The following ULK4 variants were observed in gnomAD, a reference collection of about 807,000 sequenced individuals.
ULK4 encodes unc-51 like kinase 4, also known as inactive serine/threonine-protein kinase ULK4.
Under a neutral mutation model 160.6 loss-of-function variants are expected in ULK4, and 133 were observed. The ratio of observed to expected loss-of-function variants is 0.83; its 90% CI spans 0.72 to 0.96. The LOEUF is 0.96. Among genes scored for constraint, ULK4 ranks in the 40% least tolerant of loss-of-function variants. The pLI, the probability that ULK4 is intolerant of heterozygous loss-of-function variation, is 0.00. For synonymous variants in ULK4, 534 were observed against 539.8 expected, an observed-to-expected ratio of 0.99 and a Z score of 0.15; for missense variants, 1,580 against 1,499.5, an observed-to-expected ratio of 1.05 and a Z score of -0.89.
intron 32 of ULK4, among the ~76,000 whole-genome samples, chr3:41,555,398 C>G (rs1201184701): frequency 6.6e-6 from 1 of 151,154 alleles, no homozygotes; most frequent in Non-Finnish European, 1.5e-5. Context: ...GGAAGACATA[C>G]ATGAAACCAA....
chr3:41,700,745 G>A (rs75727462), intron 27 of ULK4, among the ~76,000 whole-genome samples: 3,413 of 152,184 alleles, frequency 0.022, 113 homozygotes, highest in African/African-American at 0.072. Context: ...AGACACCACA[G>A]ACAAAAGATG....
chr3:41,920,252 C>T (rs1699137809), intron 5 of ULK4, among the ~76,000 whole-genome samples: 1 of 152,190 alleles, frequency 6.6e-6, no homozygotes, highest in South Asian at 2.1e-4. Flanking sequence ...ACTCATGCTT[C>T]CTCACTTGGA....
At chr3:41,791,558 G>A (rs1369996714) in intron 20 of ULK4, among the ~76,000 whole-genome samples, 2 of 152,184 alleles carry the variant, frequency 1.3e-5, no homozygotes, top group Admixed American at 1.3e-4. Flanking sequence ...TGAGAGATGG[G>A]AGGTAGGAAT....
chr3:41,489,656 G>A (rs1392977349), intron 32 of ULK4, among the ~76,000 whole-genome samples: 1 of 152,004 alleles, frequency 6.6e-6, no homozygotes, highest in Non-Finnish European at 1.5e-5. Context: ...TTCCTGTATA[G>A]GAAATGTAGC....
chr3:41,929,336 G>A (rs1377550058), intron 5 of ULK4, among the ~76,000 whole-genome samples: 3 of 152,104 alleles, frequency 2.0e-5, no homozygotes, highest in African/African-American at 4.8e-5. Context: ...TTGATGGAAC[G>A]TATCTCAAAA....
intron 35 of ULK4, among the ~76,000 whole-genome samples, chr3:41,371,873 A>G (rs1304035955): frequency 6.6e-6 from 1 of 152,018 alleles, no homozygotes; most frequent in African/African-American, 2.4e-5. Context: ...TTCTAGCCCA[A>G]TGCAAGGAAG....
intron 18 of ULK4, among the ~76,000 whole-genome samples, chr3:41,826,183 A>G (rs1338115192): frequency 1.3e-5 from 2 of 152,184 alleles, no homozygotes; most frequent in Admixed American, 1.3e-4. Context: ...AAGACCAACC[A>G]GTACCAGCCA....
At chr3:41,801,457 C>T (rs754210420) in intron 19 of ULK4, among the ~76,000 whole-genome samples, 1 of 151,576 alleles carries the variant, frequency 6.6e-6, no homozygotes, top group Non-Finnish European at 1.5e-5. Flanking sequence ...AATTCCAGGT[C>T]TCAGAAGCTC....
chr3:41,817,122 A>G (rs1277714227), intron 19 of ULK4, among the ~76,000 whole-genome samples: 1 of 152,134 alleles, frequency 6.6e-6, no homozygotes, highest in Non-Finnish European at 1.5e-5. Flanking sequence ...GCATATTTCA[A>G]CAACACCCTA....
At chr3:41,926,177 TG>T (rs1699379119) in intron 5 of ULK4, among the ~76,000 whole-genome samples, 1 of 152,218 alleles carries the variant, frequency 6.6e-6, no homozygotes, top group Non-Finnish European at 1.5e-5. Flanking sequence ...TGGGCTGTTC[TG>T]CAGCCTCTGC....
intron 17 of ULK4, among the ~76,000 whole-genome samples, chr3:41,863,525 C>T (rs1296098543): frequency 6.6e-6 from 1 of 151,484 alleles, no homozygotes; most frequent in Admixed American, 6.6e-5. Flanking sequence ...AGTTTTGCCC[C>T]ATACACCACA....
rs1292890785 is a variant in ULK4, at chr3:41,754,371, A to C, written c.2311T>G (p.Cys771Gly). 1 of 1,609,144 alleles carries C rather than the reference A, an allele frequency of 6.2e-7. No individual in the cohort carries two copies. Among genetic ancestry groups the C allele is most frequent in the South Asian group, 1.1e-5 (1 of 89,794 alleles). Reference sequence around the variant, plus strand: ...CAGAGAAAATCTTACCTTGCTTGGCAACTGAGCAGCAACATCTCACGGTTA... The same window carrying C: ...CAGAGAAAATCTTACCTTGCTTGGCCACTGAGCAGCAACATCTCACGGTTA... ...IYNREMLLLS[C>G]QARLVMYIER... Residue 771 changes from cysteine to glycine, a missense_variant, in exon 22 of 37, where the codon TGC becomes GGC. By Grantham distance (159) the Cys-to-Gly change is radical. Coordinates refer to ENST00000301831, the MANE Select transcript of ULK4 (RefSeq NM_017886.4).
At chr3:41,526,995 T>C (rs2086142024) in intron 32 of ULK4, among the ~76,000 whole-genome samples, 1 of 152,188 alleles carries the variant, frequency 6.6e-6, no homozygotes, top group Non-Finnish European at 1.5e-5. Flanking sequence ...GCTACCAGAA[T>C]AGTAGTGAAA....
intron 32 of ULK4, among the ~76,000 whole-genome samples, chr3:41,549,241 A>G (rs1398338101): frequency 1.3e-5 from 2 of 152,118 alleles, no homozygotes; most frequent in African/African-American, 4.8e-5. Context: ...ATTGAAACTA[A>G]TGATATTAAA....
intron 25 of ULK4, among the ~76,000 whole-genome samples, chr3:41,709,514 G>A (rs1390733895): frequency 6.6e-6 from 1 of 152,114 alleles, no homozygotes; most frequent in Non-Finnish European, 1.5e-5. Flanking sequence ...AGCCTTCCAA[G>A]TAGCTGGGAC....
At chr3:41,395,679 A>G (rs954571054) in intron 35 of ULK4, among the ~76,000 whole-genome samples, 1 of 152,148 alleles carries the variant, frequency 6.6e-6, no homozygotes, top group Admixed American at 6.6e-5. Flanking sequence ...GGGAAGATGA[A>G]AAAGTTGTGG....
At chr3:41,758,665 C>A (rs1381554069) in intron 21 of ULK4, among the ~76,000 whole-genome samples, 1 of 152,042 alleles carries the variant, frequency 6.6e-6, no homozygotes, top group Non-Finnish European at 1.5e-5. Flanking sequence ...GCGGGTGGAT[C>A]ACGAGGTCAG....
At chr3:41,523,419 T>C (rs964991535) in intron 32 of ULK4, among the ~76,000 whole-genome samples, 1 of 152,178 alleles carries the variant, frequency 6.6e-6, no homozygotes, top group African/African-American at 2.4e-5. Context: ...AATCTAGAGA[T>C]GAATGGTCAT....
chr3:41,331,551 A>T (rs561279540), intron 35 of ULK4, among the ~76,000 whole-genome samples: 24 of 152,224 alleles, frequency 1.6e-4, no homozygotes, highest in African/African-American at 3.6e-4. Flanking sequence ...CAGGATACCG[A>T]AAGTGTCACA....
Sources: gnomAD v4.1 joint callset for allele counts (sites outside exome capture counted in the v4.1 genomes callset) on GRCh38, gnomAD v4.1.1 for gene constraint, MANE v1.5 for transcripts, NCBI Gene and HGNC (gene_info 2026-07-23, HGNC 2026-07-21) for gene names.